The following CNBD1 variants were observed in gnomAD, a reference collection of about 807,000 sequenced individuals.
The protein encoded by CNBD1 is cyclic nucleotide-binding domain-containing protein 1.
Under a neutral mutation model 54.4 loss-of-function variants are expected in CNBD1, and 71 were observed. That is an observed-to-expected ratio of 1.30 (90% CI 1.08 to 1.59). The LOEUF (loss-of-function observed/expected upper bound fraction) is 1.59. CNBD1 is among the 40% of genes most tolerant of loss of function. The pLI is 0.00. For missense variants in CNBD1, 659 were observed against 518.0 expected (o/e 1.27, Z -2.64); for synonymous variants, 182 against 170.7 (o/e 1.07, Z -0.51).
Position 87,340,884 on chromosome 8 carries a change from A to G in CNBD1, c.1043-10801A>G, listed in dbSNP as rs1810050744. 3.3e-5 allele frequency among the ~76,000 whole-genome samples: 5 copies of G among 151,966 alleles called. No individual in the cohort carries two copies. In the South Asian group the frequency reaches 1.0e-3, roughly 32 times the overall value. On this transcript the variant is annotated intron_variant, in intron 8 of 10. Coordinates refer to ENST00000518476, the MANE Select transcript of CNBD1 (RefSeq NM_173538.3). ...GTAACTCCTATACCGCCATTTCTTT[A>G]GTGTCAGTTTCTGAAGTTTTATTTA... is the stretch of plus-strand genomic sequence containing the variant.
intron 5 of CNBD1, 97 bp downstream of exon 5, chr8:87,206,235 T>C: frequency 1.0e-6 from 1 of 974,552 alleles, no homozygotes; most frequent in South Asian, 2.7e-5. Context: ...ACTTAACAAT[T>C]TCAGTTGACA....
chr8:87,416,785 G>A (rs532928759), intron 2 of CNBD1, among the ~76,000 whole-genome samples: 6 of 152,134 alleles, frequency 3.9e-5, no homozygotes, highest in African/African-American at 1.4e-4. Context: ...ATTTTCCAAT[G>A]CATTCTATGA....
chr8:87,210,574 T>C lies in CNBD1; in HGVS notation c.577+4436T>C, dbSNP rs573386500. On this transcript the variant is annotated intron_variant, in intron 5 of 10. Transcript: ENST00000518476. The stretch of plus-strand genomic sequence containing the variant: ...TAGCCTCAGGATGCTGCTCCTTACA[T>C]GCCAGCCACTCCAGCTGCAACTCAA... Among the ~76,000 whole-genome samples the C allele has an allele frequency of 1.1e-4, 16 of 152,232 alleles. No individual in the cohort carries two copies. The East Asian group carries it at 3.1e-3, about 30-fold the overall frequency.
chr8:87,025,506 GT>G (rs1563439422), intron 4 of CNBD1, among the ~76,000 whole-genome samples: 1 of 152,128 alleles, frequency 6.6e-6, no homozygotes, highest in Admixed American at 6.5e-5. Flanking sequence ...TTTAAGAGCT[GT>G]AACACTCACT....
chr8:87,215,372 G>A (rs1453897117), intron 5 of CNBD1, among the ~76,000 whole-genome samples: 1 of 152,086 alleles, frequency 6.6e-6, no homozygotes, highest in African/African-American at 2.4e-5. Context: ...GGATCACGAG[G>A]TCAGGAGATC....
chr8:87,004,542 TAAAA>T (rs756660574), intron 4 of CNBD1, among the ~76,000 whole-genome samples: 1 of 142,138 alleles, frequency 7.0e-6, no homozygotes, highest in Admixed American at 7.1e-5. Flanking sequence ...AGTATTTATC[TAAAA>T]AAAAAAAACC....
intron 4 of CNBD1, among the ~76,000 whole-genome samples, chr8:87,168,257 G>A (rs1267710470): frequency 1.3e-5 from 2 of 151,962 alleles, no homozygotes; most frequent in African/African-American, 4.8e-5. Context: ...CATAAAGTAT[G>A]ATTGCGTATC....
At chr8:87,290,957 G>A (rs1172205776) in intron 8 of CNBD1, among the ~76,000 whole-genome samples, 1 of 152,060 alleles carries the variant, frequency 6.6e-6, no homozygotes, top group African/African-American at 2.4e-5. Flanking sequence ...TTCTTACCTA[G>A]TACTAGAATT....
At chr8:87,038,117 A>G (rs1358160715) in intron 4 of CNBD1, among the ~76,000 whole-genome samples, 1 of 152,186 alleles carries the variant, frequency 6.6e-6, no homozygotes, top group Non-Finnish European at 1.5e-5. Flanking sequence ...TCTGCTGTCC[A>G]GAGCCTCCAC....
At chr8:87,297,504 T>G (rs1808901245) in intron 8 of CNBD1, among the ~76,000 whole-genome samples, 1 of 152,162 alleles carries the variant, frequency 6.6e-6, no homozygotes, top group Non-Finnish European at 1.5e-5. Context: ...CGATATGAAT[T>G]TTTAAATCTG....
chr8:87,243,273 C>G (rs934581678), intron 6 of CNBD1, among the ~76,000 whole-genome samples: 1 of 152,200 alleles, frequency 6.6e-6, no homozygotes, highest in Non-Finnish European at 1.5e-5. Context: ...AGTTGAATAG[C>G]AATTTCATCT....
intron 4 of CNBD1, among the ~76,000 whole-genome samples, chr8:87,083,390 C>A (rs368168382): frequency 2.0e-5 from 3 of 152,212 alleles, no homozygotes; most frequent in East Asian, 1.9e-4. Flanking sequence ...CCTCTATGGG[C>A]AGCCACTATA....
At chr8:87,298,989 A>G (rs532057232) in intron 8 of CNBD1, among the ~76,000 whole-genome samples, 1 of 152,322 alleles carries the variant, frequency 6.6e-6, no homozygotes, top group East Asian at 1.9e-4. Context: ...CCAAGATTAG[A>G]CTTTTGGTAA....
intron 4 of CNBD1, chr8:87,044,814 CA>C: frequency 6.6e-6 from 1 of 152,338 alleles, no homozygotes; most frequent in Non-Finnish European, 1.5e-5. Context: ...CCACTAATCA[CA>C]AAAAGAACAA....
intron 4 of CNBD1, among the ~76,000 whole-genome samples, chr8:86,985,311 T>G (rs1461804008): frequency 2.6e-5 from 4 of 152,052 alleles, no homozygotes; most frequent in Admixed American, 1.3e-4. Flanking sequence ...GCTAATACAT[T>G]AAGGTTTGGG....
chr8:87,333,281 A>G lies in CNBD1; in HGVS notation c.1043-18404A>G, dbSNP rs117564887. 7.1e-3 allele frequency among the ~76,000 whole-genome samples: 1,074 copies of G among 152,250 alleles called. 28 individuals carry two copies. The highest frequency in any genetic ancestry group is 0.044 in the Admixed American group (678 of 15,286). ...CTTAAGGAGTTTTTGGGATGAGACA[A>G]TGGATGTTTTTCTAAATATACTATC... On this transcript the variant is annotated intron_variant, in intron 8 of 10. Coordinates refer to ENST00000518476, the MANE Select transcript of CNBD1 (RefSeq NM_173538.3).
chr8:87,025,624 A>G (rs944381414), intron 4 of CNBD1, among the ~76,000 whole-genome samples: 57 of 152,244 alleles, frequency 3.7e-4, no homozygotes, highest in African/African-American at 1.3e-3. Flanking sequence ...ACTCACTGTG[A>G]AGGTCTGTGG....
intron 4 of CNBD1, among the ~76,000 whole-genome samples, chr8:86,941,855 A>G (rs1424782740): frequency 1.3e-5 from 2 of 152,182 alleles, no homozygotes; most frequent in African/African-American, 2.4e-5. Context: ...ACCCAGGACA[A>G]TAGATGTTGG....
intron 10 of CNBD1, among the ~76,000 whole-genome samples, chr8:87,355,094 G>A (rs921664550): frequency 1.3e-5 from 2 of 152,162 alleles, no homozygotes; most frequent in Non-Finnish European, 2.9e-5. Context: ...TAAAAGAGTA[G>A]AGATATTTCA....
Sources: allele counts gnomAD v4.1 joint callset (sites outside exome capture counted in the v4.1 genomes callset), GRCh38; gene constraint gnomAD v4.1.1; transcripts MANE v1.5; gene names NCBI Gene and HGNC (gene_info 2026-07-23, HGNC 2026-07-21).